Variants in SLC29A3 observed in about 807,000 individuals in gnomAD.
SLC29A3 encodes equilibrative nucleoside transporter 3.
A neutral mutation model predicts 25.4 loss-of-function variants in SLC29A3; 18 were observed. The ratio of observed to expected loss-of-function variants is 0.71; its 90% CI spans 0.49 to 1.05. The LOEUF is 1.05. Among genes scored for constraint, SLC29A3 ranks in the 50% least tolerant of loss-of-function variants. SLC29A3 has a pLI of 0.00. For synonymous variants in SLC29A3, 258 were observed against 267.1 expected, an observed-to-expected ratio of 0.97 and a Z score of 0.33; for missense variants, 586 against 609.0, an observed-to-expected ratio of 0.96 and a Z score of 0.40.
chr10:71,344,332 C>G, intron 3 of SLC29A3, 41 bp downstream of exon 3: 1 of 1,453,090 alleles, frequency 6.9e-7, no homozygotes, highest in South Asian at 1.1e-5. Flanking sequence ...CTGCCTTGGT[C>G]TCCTGCCTCC....
At chr10:71,335,290 A>C (rs1403910665) in intron 2 of SLC29A3, among the ~76,000 whole-genome samples, 1 of 151,598 alleles carries the variant, frequency 6.6e-6, no homozygotes, top group Admixed American at 6.6e-5. Flanking sequence ...GCCTGAGACC[A>C]CCCGCGAATC....
rs1399066352 is a variant in SLC29A3 at position 71,362,749 on chromosome 10, A to G, written c.*141A>G. On this transcript the variant is annotated 3_prime_UTR_variant, in exon 6 of 6. Coordinates refer to ENST00000373189, the MANE Select transcript of SLC29A3 (RefSeq NM_018344.6). ...AGCACACTCGGGCCTCATCCCTCCC[A>G]AGATGCCAGTGAGCCACGTCCATGC... 1 of 1,109,366 alleles carries G rather than the reference A, an allele frequency of 9.0e-7. No individual in the cohort carries two copies. Among genetic ancestry groups the G allele is most frequent in the Non-Finnish European group, 1.3e-6 (1 of 751,840 alleles). 68.7% of individuals were successfully genotyped at this position (1,109,366 alleles called of 1,614,324 possible).
intron 3 of SLC29A3, among the ~76,000 whole-genome samples, chr10:71,347,490 C>T (rs73280030): frequency 0.014 from 2,058 of 152,224 alleles, 52 homozygotes; most frequent in African/African-American, 0.047. Context: ...TTCCTAAGAC[C>T]CTAAGAGCAC....
chr10:71,323,591 A>G (rs1845902282), intron 2 of SLC29A3, among the ~76,000 whole-genome samples: 1 of 152,258 alleles, frequency 6.6e-6, no homozygotes, highest in South Asian at 2.1e-4. Context: ...TGCATTGGTC[A>G]AAACTTAGGC....
Position 71,361,441 on chromosome 10 carries a change from C to T in SLC29A3, c.774-513C>T, listed in dbSNP as rs879568172. 1.1e-4 allele frequency among the ~76,000 whole-genome samples: 16 copies of T among 152,328 alleles called. 1 individual carries two copies. The South Asian group carries it at 2.1e-3, about 20-fold the overall frequency. The stretch of plus-strand genomic sequence containing the variant: ...TCTCCCAAAGTATTGGGATTATAGG[C>T]GTGAGCCATCATGCCCGGCCTAGAA... On this transcript the variant is annotated intron_variant, in intron 5 of 5. Coordinates refer to ENST00000373189, the MANE Select transcript of SLC29A3 (RefSeq NM_018344.6).
intron 2 of SLC29A3, among the ~76,000 whole-genome samples, chr10:71,331,293 G>A (rs554164953): frequency 1.9e-4 from 29 of 152,274 alleles, no homozygotes; most frequent in Non-Finnish European, 3.7e-4. Context: ...GAGCAGCATC[G>A]TGGAGGATGG....
Position 71,362,790 on chromosome 10 carries a change from C to A in SLC29A3, c.*182C>A. 1 of 748,044 alleles carries A rather than the reference C, an allele frequency of 1.3e-6. No individual in the cohort carries two copies. Among genetic ancestry groups the A allele is most frequent in the South Asian group, 1.5e-5 (1 of 67,732 alleles). The allele number at this position is 748,044 out of a possible 1,614,324, so 46.3% of individuals were successfully genotyped here. On this transcript the variant is annotated 3_prime_UTR_variant, in exon 6 of 6. Coordinates refer to ENST00000373189, the MANE Select transcript of SLC29A3 (RefSeq NM_018344.6). The stretch of plus-strand genomic sequence containing the variant: ...ACGTCCATGCCCATTCCGTGCAAGG[C>A]AGATATTCCAGTCATATTAACAGAA...
chr10:71,343,078 C>G (rs1846455765), intron 2 of SLC29A3, among the ~76,000 whole-genome samples: 1 of 152,168 alleles, frequency 6.6e-6, no homozygotes, highest in Admixed American at 6.5e-5. Context: ...CTCCAGCAAT[C>G]CCCCTGCCTC....
chr10:71,334,602 C>T (rs1232952355), intron 2 of SLC29A3, among the ~76,000 whole-genome samples: 5 of 152,196 alleles, frequency 3.3e-5, no homozygotes, highest in African/African-American at 1.2e-4. Flanking sequence ...CTAGCGAGCT[C>T]AGTAAATATT....
intron 3 of SLC29A3, among the ~76,000 whole-genome samples, chr10:71,372,575 G>A (rs1847219677): frequency 6.6e-6 from 1 of 152,182 alleles, no homozygotes; most frequent in Non-Finnish European, 1.5e-5. Flanking sequence ...ACCCCACGAG[G>A]AGAACCACTG....
At chr10:71,378,045 G>A (rs1010321479) in intron 4 of SLC29A3, among the ~76,000 whole-genome samples, 1 of 142,630 alleles carries the variant, frequency 7.0e-6, no homozygotes, top group African/African-American at 2.7e-5. Flanking sequence ...TTCCTACTAG[G>A]CCATGCAGGG....
chr10:71,376,294 T>C (rs1336005456), intron 4 of SLC29A3, among the ~76,000 whole-genome samples: 1 of 152,236 alleles, frequency 6.6e-6, no homozygotes, highest in East Asian at 1.9e-4. Flanking sequence ...GGCACCTGGC[T>C]AAGACTGAAC....
At chr10:71,333,431 AAGAGAAAC>A (rs995667705) in intron 2 of SLC29A3, among the ~76,000 whole-genome samples, 47 of 152,330 alleles carry the variant, frequency 3.1e-4, no homozygotes, top group Middle Eastern at 6.8e-3. Flanking sequence ...TGCACCTCCA[AAGAGAAAC>A]AGCCTTCCCA....
Position 71,362,575 on chromosome 10 carries a change from A to G in SLC29A3, c.1395A>G (p.Ser465=). The change falls in exon 6 of 6, where the codon TCA becomes TCG. Residue 465 remains serine, a synonymous_variant. Coordinates refer to ENST00000373189, the MANE Select transcript of SLC29A3 (RefSeq NM_018344.6). ...TGTGCTTGGGCTTAACACTGGGCTC[A>G]GCCTGCTCTACCCTCCTGGTGCACC... is the stretch of plus-strand genomic sequence containing the variant. The part of the protein sequence containing the change: ...FYVCLGLTLG[S]ACSTLLVHLI The G allele has an allele frequency of 6.2e-7, 1 of 1,614,216 alleles. No individual in the cohort carries two copies. The highest frequency in any genetic ancestry group is 8.5e-7 in the Non-Finnish European group (1 of 1,180,042).
chr10:71,319,348 C>G (rs1478873297), intron 1 of SLC29A3, 38 bp downstream of exon 1: 1 of 626,064 alleles, frequency 1.6e-6, no homozygotes, highest in Non-Finnish European at 2.8e-6. Context: ...CGGCTACGGT[C>G]CCGGCCGCCC....
chr10:71,330,201 G>A (rs1846087095), intron 2 of SLC29A3, among the ~76,000 whole-genome samples: 3 of 152,212 alleles, frequency 2.0e-5, no homozygotes, highest in Admixed American at 2.0e-4. Flanking sequence ...GGAGATGGGG[G>A]CTCCACAGCC....
At chr10:71,328,953 C>T (rs1318639091) in intron 2 of SLC29A3, among the ~76,000 whole-genome samples, 2 of 152,176 alleles carry the variant, frequency 1.3e-5, no homozygotes, top group Non-Finnish European at 2.9e-5. Context: ...GAAGGGCTGA[C>T]CTCCCAATCC....
intron 3 of SLC29A3, among the ~76,000 whole-genome samples, chr10:71,369,184 G>A (rs529864926): frequency 6.6e-6 from 1 of 152,330 alleles, no homozygotes; most frequent in African/African-American, 2.4e-5. Flanking sequence ...CAAATCTGCT[G>A]CAACCTTGAT....
In SLC29A3 at chr10:71,322,796, C is replaced by G. The variant is rs752771649; in HGVS notation, c.42C>G (p.Asn14Lys). ...VSEDDFQHSS[N>K]STYRTTSSSL... ...AGGACGACTTTCAGCACAGTTCAAACTCCACCTACAGAACCACAAGCAGCA... is the reference window on the plus strand; with the variant it reads ...AGGACGACTTTCAGCACAGTTCAAAGTCCACCTACAGAACCACAAGCAGCA... Residue 14 changes from asparagine to lysine, a missense_variant, in exon 2 of 6, where the codon AAC becomes AAG. By Grantham distance (94) the Asn-to-Lys change is moderately conservative. Coordinates refer to ENST00000373189, the MANE Select transcript of SLC29A3 (RefSeq NM_018344.6). The G allele has an allele frequency of 1.2e-6, 2 of 1,614,190 alleles. No homozygotes were observed. The highest frequency in any genetic ancestry group is 2.2e-5 in the East Asian group (1 of 44,878).
Sources: gnomAD v4.1 joint callset for allele counts (sites outside exome capture counted in the v4.1 genomes callset) on GRCh38, gnomAD v4.1.1 for gene constraint, MANE v1.5 for transcripts, NCBI Gene and HGNC (gene_info 2026-07-23, HGNC 2026-07-21) for gene names.